IPO7: variants seen among roughly 807,000 people sequenced by gnomAD.
IPO7 encodes importin-7.
Under a neutral mutation model 136.4 loss-of-function variants are expected in IPO7, and 13 were observed. That is an observed-to-expected ratio of 0.10 (90% CI 0.06 to 0.15). IPO7 has a LOEUF of 0.15. Among genes scored for constraint, IPO7 ranks in the 10% least tolerant of loss-of-function variants. The pLI is 1.00. For missense variants in IPO7, 857 were observed against 1,240.6 expected, an observed-to-expected ratio of 0.69 and a Z score of 4.65; for synonymous variants, 403 against 404.4, an observed-to-expected ratio of 1.00 and a Z score of 0.04.
rs1348888097 is a variant in IPO7 at position 9,429,886 on chromosome 11, T to G, written c.1752+52T>G. On this transcript the variant is annotated intron_variant, in intron 15 of 24. Transcript: ENST00000379719. ...GCAAGCATTTTAATGTAGCTCTCAG[T>G]ATGTTCCAGGTTGTGTCACCAGTGG... 3 of 1,385,560 alleles carry G rather than the reference T, an allele frequency of 2.2e-6. No homozygotes were observed. In the East Asian group the frequency reaches 7.3e-5, roughly 34 times the overall value. The allele number at this position is 1,385,560 out of a possible 1,614,324, so 85.8% of individuals were successfully genotyped here. A position where few individuals can be genotyped will look rare whatever the true frequency, so the allele number is the denominator to read the frequency against.
intron 24 of IPO7, among the ~76,000 whole-genome samples, chr11:9,442,409 TTTGTTTG>T (rs1244084330): frequency 1.3e-5 from 2 of 150,450 alleles, no homozygotes; most frequent in African/African-American, 5.0e-5. Flanking sequence ...TTCGTTTTTT[TTTGTTTG>T]TTTGTTTGTT....
chr11:9,408,689 G>A (rs904263173), intron 3 of IPO7, 50 bp downstream of exon 3: 4 of 610,722 alleles, frequency 6.5e-6, no homozygotes, highest in Middle Eastern at 3.5e-4. Flanking sequence ...AACTTTCAGG[G>A]TTTTTTGTTT....
In IPO7 at chr11:9,429,715, G is replaced by T. The variant is rs1855265805; in HGVS notation, c.1633G>T (p.Ala545Ser). Residue 545 changes from alanine to serine, a missense_variant, in exon 15 of 25, where the codon GCT becomes TCT. Physicochemically the swap from Ala to Ser is moderately conservative, Grantham distance 99 (BLOSUM62 1). Around this residue, in one of 11 missense-constraint regions of IPO7, gnomAD observed 58 missense variants for 122.1 expected, o/e 0.47. Coordinates refer to ENST00000379719, the MANE Select transcript of IPO7 (RefSeq NM_006391.3). ...ITPFIRPVMQ[A>S]LLHIIRETEN... Reference sequence around the variant, plus strand: ...ACCATTCATCAGACCTGTAATGCAGGCTCTTCTTCACATTATAAGAGAAAC... The same window carrying T: ...ACCATTCATCAGACCTGTAATGCAGTCTCTTCTTCACATTATAAGAGAAAC... The T allele has an allele frequency of 2.5e-6, 4 of 1,608,232 alleles. No homozygotes were observed. The highest frequency in any genetic ancestry group is 3.4e-6 in the Non-Finnish European group (4 of 1,177,782).
At chr11:9,411,078 C>A (rs143229666) in intron 4 of IPO7, among the ~76,000 whole-genome samples, 6 of 152,298 alleles carry the variant, frequency 3.9e-5, no homozygotes, top group Non-Finnish European at 8.8e-5. Flanking sequence ...CCAGCTGTTA[C>A]AGTTCTGGTA....
intron 24 of IPO7, among the ~76,000 whole-genome samples, chr11:9,444,551 C>T (rs1032106544): frequency 2.0e-5 from 3 of 151,424 alleles, no homozygotes; most frequent in Non-Finnish European, 2.9e-5. Flanking sequence ...TTAGTAGAGA[C>T]GAGGTTTCAC....
chr11:9,440,987 G>C (rs41369549), intron 23 of IPO7, among the ~76,000 whole-genome samples: 50,944 of 151,998 alleles, frequency 0.34, 9,614 homozygotes, highest in Non-Finnish European at 0.43. Context: ...GTGTATACCT[G>C]TTTGTTGTAT....
intron 1 of IPO7, among the ~76,000 whole-genome samples, chr11:9,400,979 C>T (rs1006918272): frequency 5.3e-5 from 8 of 151,458 alleles, no homozygotes; most frequent in African/African-American, 9.7e-5. Context: ...GTCAGAAGTT[C>T]GAGACCAGCC....
chr11:9,447,989 A>G lies in IPO7; in HGVS notation c.*2795A>G, dbSNP rs558734961. On this transcript the variant is annotated 3_prime_UTR_variant, in exon 25 of 25. Transcript: ENST00000379719. ...AAGCATAAAGAAAAATGAATTAAAA[A>G]TTAAATTAATATGGAAAGTTAAAAA... 5 of 152,344 alleles carry G rather than the reference A, an allele frequency of 3.3e-5. No individual in the cohort carries two copies. The South Asian group carries it at 1.0e-3, about 32-fold the overall frequency. 9.4% of individuals were successfully genotyped at this position (152,344 alleles called of 1,614,324 possible).
chr11:9,419,559 A>AAAAAATAT (rs1256216265), intron 6 of IPO7, among the ~76,000 whole-genome samples: 6 of 116,846 alleles, frequency 5.1e-5, no homozygotes, highest in African/African-American at 2.3e-4. Context: ...AAAAAAAAAA[A>AAAAAATAT]ATATATATAT....
intron 3 of IPO7, among the ~76,000 whole-genome samples, chr11:9,409,323 G>T (rs1854935802): frequency 6.6e-6 from 1 of 152,014 alleles, no homozygotes; most frequent in Non-Finnish European, 1.5e-5. Context: ...TGGCCACGCT[G>T]GTCTGGAACA....
rs1186570737 is a variant in IPO7, at chr11:9,433,561, C to G, written c.1882-9C>G. ...GTAACTGCATATGATTTTTTTTCTT[C>G]TCTTTTAGATAACCCAACAGCTTGA... On this transcript the variant is annotated splice_polypyrimidine_tract_variant and intron_variant, in intron 16 of 24. Coordinates refer to ENST00000379719, the MANE Select transcript of IPO7 (RefSeq NM_006391.3). 1 of 1,605,672 alleles carries G rather than the reference C, an allele frequency of 6.2e-7. No individual in the cohort carries two copies. Among genetic ancestry groups the G allele is most frequent in the East Asian group, 2.2e-5 (1 of 44,818 alleles).
chr11:9,445,144 G>C lies in IPO7; in HGVS notation c.3067G>C (p.Val1023Leu). ...TGGAGGATACAAATTCAGTGCTCCAGTTGTGCCAAGTTCTTTCAATTTTGG... is the reference window on the plus strand; with the variant it reads ...TGGAGGATACAAATTCAGTGCTCCACTTGTGCCAAGTTCTTTCAATTTTGG... Reference protein sequence around the residue: ...KHGGYKFSAPVVPSSFNFGGP... With the variant: ...KHGGYKFSAPLVPSSFNFGGP... Residue 1023 changes from valine (V) to leucine (L), a missense_variant, in exon 25 of 25, where the codon GTT becomes CTT. Val to Leu is a conservative substitution (Grantham distance 32). This residue lies in a region of IPO7 where 13 missense variants were observed against 19.6 expected (regional missense o/e 0.66). Transcript: ENST00000379719. The C allele has an allele frequency of 6.2e-7, 1 of 1,612,348 alleles. No individual in the cohort carries two copies. Among genetic ancestry groups the C allele is most frequent in the Non-Finnish European group, 8.5e-7 (1 of 1,178,400 alleles).
At chr11:9,386,330 T>C (rs78362820) in intron 1 of IPO7, among the ~76,000 whole-genome samples, 5,848 of 152,278 alleles carry the variant, frequency 0.038, 355 homozygotes, top group African/African-American at 0.12. Context: ...TATAAAATAG[T>C]GAGTTGAACC....
chr11:9,420,175 G>T (rs1855106646), intron 6 of IPO7: 1 of 434,616 alleles, frequency 2.3e-6, no homozygotes, highest in African/African-American at 2.1e-5. Context: ...AAATTAGCTG[G>T]GCGTTGTGGC....
In IPO7 at chr11:9,422,989, G is replaced by T. The variant is rs371973107; in HGVS notation, c.907-17G>T. Reference sequence around the variant, plus strand: ...TCTATTTGAACATTGATTTGTGATCGAAAATTTTTTTCCAAGGTTTTATTG... The same window carrying T: ...TCTATTTGAACATTGATTTGTGATCTAAAATTTTTTTCCAAGGTTTTATTG... On this transcript the variant is annotated splice_polypyrimidine_tract_variant and intron_variant, in intron 8 of 24. Transcript: ENST00000379719. 6.7e-7 allele frequency: 1 copy of T among 1,497,726 alleles called. No individual in the cohort carries two copies. The highest frequency in any genetic ancestry group is 9.0e-7 in the Non-Finnish European group (1 of 1,113,572). The allele number at this position is 1,497,726 out of a possible 1,614,324, so 92.8% of individuals were successfully genotyped here.
In IPO7 at chr11:9,445,348, C is replaced by A; in HGVS notation, c.*154C>A. ...CCCCAGGAGATGGGACCTGATCATG[C>A]AACCTGGCACTGGAAAAGAAATCAG... On this transcript the variant is annotated 3_prime_UTR_variant, in exon 25 of 25. Transcript: ENST00000379719. The A allele has an allele frequency of 6.6e-6, 2 of 301,262 alleles. No individual in the cohort carries two copies. The allele number at this position is 301,262 out of a possible 1,614,324, so 18.7% of individuals were successfully genotyped here.
At chr11:9,420,143 C>T (rs1033767989) in intron 6 of IPO7, 1 of 342,154 alleles carries the variant, frequency 2.9e-6, no homozygotes, top group African/African-American at 2.2e-5. Context: ...CTAACCCCGT[C>T]TCTACTAAAA....
intron 2 of IPO7, among the ~76,000 whole-genome samples, chr11:9,404,445 A>G: frequency 6.6e-6 from 1 of 152,058 alleles, no homozygotes; most frequent in East Asian, 1.9e-4. Flanking sequence ...AGCCTGAGCA[A>G]CAGAGTGAGA....
At position 9,436,271 on chromosome 11, in the gene IPO7, G is replaced by C; in HGVS notation, c.2173G>C (p.Val725Leu). The C allele has an allele frequency of 6.2e-7, 1 of 1,608,730 alleles. No individual in the cohort carries two copies. Among genetic ancestry groups the C allele is most frequent in the Non-Finnish European group, 8.5e-7 (1 of 1,175,196 alleles). ...LEMIYSMCKKVLTGVAGEDAE... is the reference protein window; with the variant it reads ...LEMIYSMCKKLLTGVAGEDAE... The stretch of plus-strand genomic sequence containing the variant: ...GCAATTTATATTCTGTTTTGATCAG[G>C]TTCTTACAGGAGTTGCAGGAGAAGA... The change falls in exon 20 of 25, where the codon GTT becomes CTT. Residue 725 changes from valine (V) to leucine (L), a missense_variant and splice_region_variant. This residue lies in a region of IPO7 where 190 missense variants were observed against 249.0 expected (regional missense o/e 0.76). Coordinates refer to ENST00000379719, the MANE Select transcript of IPO7 (RefSeq NM_006391.3).
Sources: gnomAD v4.1 joint callset for allele counts (sites outside exome capture counted in the v4.1 genomes callset) on GRCh38, gnomAD v4.1.1 for gene constraint, gnomAD v4.1.1 regional missense constraint, MANE v1.5 for transcripts, NCBI Gene and HGNC (gene_info 2026-07-23, HGNC 2026-07-21) for gene names.